TUBGCP5: variants seen among roughly 807,000 people sequenced by gnomAD.
TUBGCP5 encodes the protein tubulin gamma complex component 5.
A neutral mutation model predicts 134.7 loss-of-function variants in TUBGCP5; 98 were observed. The observed-to-expected ratio is 0.73, with a 90% CI of 0.62 to 0.86. TUBGCP5 has a LOEUF of 0.86. Ranked by LOEUF, TUBGCP5 falls within the 40% of genes least tolerant of loss-of-function variation. The pLI is 0.00. For synonymous variants in TUBGCP5, 456 were observed against 431.4 expected (o/e 1.06, Z -0.71); for missense variants, 1,150 against 1,244.8 (o/e 0.92, Z 1.15).
At chr15:23,028,944 A>C (rs187733114) in intron 6 of TUBGCP5, among the ~76,000 whole-genome samples, 41 of 152,346 alleles carry the variant, frequency 2.7e-4, no homozygotes, top group African/African-American at 9.6e-4. Flanking sequence ...GAATTCAGTA[A>C]AAATGCTGCA....
At chr15:23,027,366 C>T (rs1337575281) in intron 6 of TUBGCP5, 60 bp from the exon 7 acceptor site, 84 of 1,348,744 alleles carry the variant, frequency 6.2e-5, no homozygotes, top group Non-Finnish European at 4.2e-6. Context: ...GGTCACAATA[C>T]CTGGACTTAC....
intron 12 of TUBGCP5, among the ~76,000 whole-genome samples, chr15:23,018,580 G>C (rs1338378553): frequency 2.0e-5 from 3 of 152,166 alleles, no homozygotes; most frequent in African/African-American, 7.2e-5. Context: ...TACCCTTCCA[G>C]AACACTAAAG....
intron 1 of TUBGCP5, 67 bp from the exon 2 acceptor site, chr15:23,037,219 C>A (rs2066642448): frequency 8.5e-6 from 12 of 1,415,856 alleles, no homozygotes; most frequent in Non-Finnish European, 1.1e-5. Flanking sequence ...CATCTCATGG[C>A]CCTCCATATC....
intron 10 of TUBGCP5, among the ~76,000 whole-genome samples, chr15:23,022,822 T>C (rs2065777892): frequency 6.6e-6 from 1 of 152,206 alleles, no homozygotes; most frequent in South Asian, 2.1e-4. Context: ...AGGGCCTCTC[T>C]GTACTATTTT....
At chr15:23,021,202 C>A (rs1318743084) in intron 11 of TUBGCP5, among the ~76,000 whole-genome samples, 4 of 152,224 alleles carry the variant, frequency 2.6e-5, no homozygotes, top group Non-Finnish European at 4.4e-5. Context: ...AATTCCTGGG[C>A]TCAAGTGATC....
At chr15:22,983,248 C>T (rs904106167) in exon 24 of TUBGCP5, 5 of 152,154 alleles carry the variant, frequency 3.3e-5, no homozygotes, top group Non-Finnish European at 7.3e-5. Context: ...AAACACGTAA[C>T]ATTCACAAAA....
Position 23,030,846 on chromosome 15 carries a change from G to T in TUBGCP5, c.622+39C>A, listed in dbSNP as rs769848130. 14 of 1,598,008 alleles carry T rather than the reference G, an allele frequency of 8.8e-6. 1 individual carries two copies. The highest frequency in any genetic ancestry group is 8.5e-6 in the Non-Finnish European group (10 of 1,175,712). The stretch of plus-strand genomic sequence containing the variant: ...GTTTGCCTTTCCTTCTAGGGAATTT[G>T]TCTATTAGAAAATGCGAGCACCTCA... On this transcript the variant is annotated intron_variant, in intron 6 of 22. Coordinates refer to ENST00000615383, the MANE Select transcript of TUBGCP5 (RefSeq NM_052903.6).
rs71414252 is a variant in TUBGCP5 at position 22,993,525 on chromosome 15, G to GTT, written c.*61+3318_*61+3319dup. Reference sequence around the variant, plus strand: ...TAATCCTCCCACCTCAGCCCCCGAAGTTTTTTTTTTTTTTTTTTTTTTTTT... The same window carrying GTT: ...TAATCCTCCCACCTCAGCCCCCGAAGTTTTTTTTTTTTTTTTTTTTTTTTTTT... On this transcript the variant is annotated intron_variant and NMD_transcript_variant, in intron 23 of 23. Coordinates refer to the TUBGCP5 transcript ENST00000614508. Among the ~76,000 whole-genome samples the GTT allele has an allele frequency of 8.7e-3, 599 of 69,248 alleles. 54 individuals carry two copies. The highest frequency in any genetic ancestry group is 0.011 in the Non-Finnish European group (408 of 37,450). The allele number at this position is 69,248 out of a possible 152,430, so 45.4% of individuals were successfully genotyped here. A position where few individuals can be genotyped will look rare whatever the true frequency, so the allele number is the denominator to read the frequency against.
chr15:22,997,915 CTTTT>C (rs61041986), downstream of TUBGCP5, among the ~76,000 whole-genome samples: 1 of 143,842 alleles, frequency 7.0e-6, no homozygotes, highest in Non-Finnish European at 1.5e-5. Context: ...TATGTGTGGC[CTTTT>C]TTTTTTTTAA....
rs2066610529 is a variant in TUBGCP5, at chr15:23,036,749, G to A, written c.309+148C>T. ...CAAACTGAGGCATATCTGGTTTGAT[G>A]GCAATATTTAAGTAAATTTCCAAGA... On this transcript the variant is annotated intron_variant, in intron 3 of 22. Transcript: ENST00000615383. 4.7e-6 allele frequency: 3 copies of A among 644,472 alleles called. No homozygotes were observed. In the Admixed American group the frequency reaches 8.7e-5, roughly 19 times the overall value. The allele number at this position is 644,472 out of a possible 1,614,324, so 39.9% of individuals were successfully genotyped here. A position where few individuals can be genotyped will look rare whatever the true frequency, so the allele number is the denominator to read the frequency against.
In TUBGCP5 at chr15:23,006,160, C is replaced by A; in HGVS notation, c.2425G>T (p.Val809Leu). Residue 809 changes from valine (V) to leucine (L), a missense_variant, in exon 18 of 23, where the codon GTG (valine) becomes TTG (leucine). Val to Leu is a conservative substitution (Grantham distance 32). Transcript: ENST00000615383. ...LTLSYKVPWP[V>L]DIVISLECQK... ...CATTCCAAACTTATAACAATGTCCA[C>A]GGGCCATGGGACCTATGAAACAAAA... 1 of 1,609,362 alleles carries A rather than the reference C, an allele frequency of 6.2e-7. No individual in the cohort carries two copies. Among genetic ancestry groups the A allele is most frequent in the Non-Finnish European group, 8.5e-7 (1 of 1,179,080 alleles).
chr15:23,037,909 C>G (rs780538081), intron 1 of TUBGCP5, among the ~76,000 whole-genome samples: 2 of 152,278 alleles, frequency 1.3e-5, no homozygotes, highest in Middle Eastern at 6.8e-3. Flanking sequence ...GGACTACAGG[C>G]GCCTGCCACC....
In TUBGCP5 at chr15:23,024,168, T is replaced by C; in HGVS notation, c.947A>G (p.Gln316Arg). The C allele has an allele frequency of 6.2e-7, 1 of 1,614,176 alleles. No individual in the cohort carries two copies. The part of the protein sequence containing the change: ...THSCLRSVLE[Q>R]IAAYGQVVFR... ...CACAACCTGGCCATATGCTGCTATT[T>C]GTTCCAGCACAGATCGTAAACAGCT... is the stretch of plus-strand genomic sequence containing the variant. The change falls in exon 10 of 23, where the codon CAA (glutamine) becomes CGA (arginine). Residue 316 changes from glutamine (Q) to arginine (R), a missense_variant. Transcript: ENST00000615383.
At chr15:23,020,584 C>CAAAAAAAAAAAAAAAAAA (rs542905350) in intron 11 of TUBGCP5, among the ~76,000 whole-genome samples, 1 of 76,242 alleles carries the variant, frequency 1.3e-5, no homozygotes, top group African/African-American at 5.0e-5. Context: ...GACTACGTCT[C>CAAAAAAAAAAAAAAAAAA]AAAAAAAAAA....
In TUBGCP5 at chr15:23,026,062, G is replaced by C. The variant is rs566014664; in HGVS notation, c.827+54C>G. 77 of 1,432,968 alleles carry C rather than the reference G, an allele frequency of 5.4e-5. 1 individual carries two copies. In the East Asian group the frequency reaches 1.7e-3, roughly 32 times the overall value. 88.8% of individuals were successfully genotyped at this position (1,432,968 alleles called of 1,614,324 possible). ...AAAGTTTCCTTTAATAAAAGTTTTT[G>C]CTTCTCAGTAATCAAGTCTCATAAA... On this transcript the variant is annotated intron_variant, in intron 8 of 22. Transcript: ENST00000615383.
At chr15:23,032,126 C>A in intron 4 of TUBGCP5, 97 bp from the exon 5 acceptor site, 1 of 754,510 alleles carries the variant, frequency 1.3e-6, no homozygotes. Flanking sequence ...ACTCAAAATA[C>A]TCAGGAAATA....
chr15:23,026,299 G>C (rs541249382), intron 7 of TUBGCP5, 94 bp from the exon 8 acceptor site: 1 of 1,083,690 alleles, frequency 9.2e-7, no homozygotes, highest in East Asian at 2.4e-5. Context: ...GCTAACTTAA[G>C]TAGCAATCAA....
At chr15:23,019,408 CTG>C in intron 11 of TUBGCP5, 74 bp from the exon 12 acceptor site, 1 of 905,728 alleles carries the variant, frequency 1.1e-6, no homozygotes, top group African/African-American at 1.7e-5. Context: ...TTAAACATTT[CTG>C]AAATGCCTTT....
At chr15:23,016,172 TAACA>T (rs1267843734) in intron 13 of TUBGCP5, among the ~76,000 whole-genome samples, 1 of 152,106 alleles carries the variant, frequency 6.6e-6, no homozygotes, top group Admixed American at 6.5e-5. Flanking sequence ...AACAGATGTT[TAACA>T]AACAAATTTT....
Sources: allele counts gnomAD v4.1 joint callset (sites outside exome capture counted in the v4.1 genomes callset), GRCh38; gene constraint gnomAD v4.1.1; transcripts MANE v1.5; gene names NCBI Gene and HGNC (gene_info 2026-07-23, HGNC 2026-07-21).